Variants in SORBS2 observed in about 807,000 individuals in gnomAD.
SORBS2 encodes the protein sorbin and SH3 domain-containing protein 2.
SORBS2 carries 46 observed loss-of-function variants against 97.7 expected under a neutral mutation model. That is an observed-to-expected ratio of 0.47 (90% CI 0.37 to 0.60). The LOEUF is 0.60. Ranked by LOEUF, SORBS2 falls within the 20% of genes least tolerant of loss-of-function variation. The pLI is 0.00. For missense variants in SORBS2, 1,316 were observed against 1,282.3 expected, an observed-to-expected ratio of 1.03 and a Z score of -0.40; for synonymous variants, 476 against 473.4, an observed-to-expected ratio of 1.01 and a Z score of -0.07.
intron 7 of SORBS2, among the ~76,000 whole-genome samples, chr4:185,621,114 T>G (rs1379218768): frequency 6.6e-6 from 1 of 152,156 alleles, no homozygotes; most frequent in Non-Finnish European, 1.5e-5. Context: ...CTTAAATATA[T>G]CTAGTTATCC....
exon 5 of SORBS2, chr4:185,662,158 A>T (rs762790043): frequency 6.2e-7 from 1 of 1,614,108 alleles, no homozygotes; most frequent in Admixed American, 1.7e-5. Flanking sequence ...GCTGGGAGAG[A>T]ATATGCCGAG....
chr4:185,817,556 T>C (rs1234313044), intron 1 of SORBS2, among the ~76,000 whole-genome samples: 1 of 152,230 alleles, frequency 6.6e-6, no homozygotes, highest in African/African-American at 2.4e-5. Context: ...CATTGTGTCC[T>C]GTGGCAGCAG....
chr4:185,607,129 G>GT lies in SORBS2; in HGVS notation c.2796+4650dup, dbSNP rs1425799765. 6 of 1,093,454 alleles carry GT rather than the reference G, an allele frequency of 5.5e-6. No homozygotes were observed. Among genetic ancestry groups the GT allele is most frequent in the Non-Finnish European group, 5.6e-6 (5 of 892,410 alleles). The allele number at this position is 1,093,454 out of a possible 1,614,324, so 67.7% of individuals were successfully genotyped here. ...TTCCAGGATGGCGTCCTCTAGGATG[G>GT]TTGGTTTGGCTTGGTCAGCTGACAA... On this transcript the variant is annotated intron_variant, in intron 12 of 14. Coordinates refer to ENST00000418609, the Ensembl canonical transcript of SORBS2. This position sits in a 1 kb window ranked among gnomAD's most constrained non-coding sequence, Gnocchi z 5.2.
chr4:185,686,605 T>A (rs1385968170), intron 2 of SORBS2, among the ~76,000 whole-genome samples: 1 of 152,210 alleles, frequency 6.6e-6, no homozygotes, highest in Admixed American at 6.5e-5. Flanking sequence ...ATGGAGGTGA[T>A]GTTATTGCTT....
intron 2 of SORBS2, among the ~76,000 whole-genome samples, chr4:185,721,052 G>A (rs2047499): frequency 0.81 from 119,887 of 148,326 alleles, 49,140 homozygotes; most frequent in Non-Finnish European, 0.89. Flanking sequence ...ACAACTGTGA[G>A]CCACTTCCTA....
chr4:185,808,648 T>G (rs768529550), intron 1 of SORBS2, among the ~76,000 whole-genome samples: 1 of 152,210 alleles, frequency 6.6e-6, no homozygotes, highest in Non-Finnish European at 1.5e-5. Flanking sequence ...ACGTAACTAG[T>G]GATTTCCAGT....
chr4:185,676,348 A>G (rs1177072426), intron 4 of SORBS2, among the ~76,000 whole-genome samples: 1 of 152,246 alleles, frequency 6.6e-6, no homozygotes, highest in Non-Finnish European at 1.5e-5. Context: ...AGTCAAAAAG[A>G]GAAGCACATT....
rs1168750873 is a variant in SORBS2, at chr4:185,623,946, G to A, written c.1183C>T (p.Arg395Cys). 1 of 1,614,204 alleles carries A rather than the reference G, an allele frequency of 6.2e-7. No individual in the cohort carries two copies. The highest frequency in any genetic ancestry group is 8.5e-7 in the Non-Finnish European group (1 of 1,180,040). ...TCCGTGGAGCACTGGCTCCAGGCGC[G>A]CAGCAGGTCCTTGTGCTGCTGCTCG... is the stretch of plus-strand genomic sequence containing the variant. Residue 395 changes from arginine (R) to cysteine (C), a missense_variant, in exon 7 of 15, where the codon CGC becomes TGC. By Grantham distance (180) the Arg-to-Cys change is radical. Coordinates refer to ENST00000418609, the Ensembl canonical transcript of SORBS2. This position sits in a 1 kb window ranked among gnomAD's most constrained non-coding sequence, Gnocchi z 6.4.
intron 2 of SORBS2, among the ~76,000 whole-genome samples, chr4:185,736,009 C>T (rs1311463814): frequency 1.3e-5 from 2 of 152,196 alleles, no homozygotes; most frequent in African/African-American, 2.4e-5. Context: ...TGATATTTCC[C>T]ATTTGTGGAT....
chr4:185,774,062 T>G (rs1018555077), intron 2 of SORBS2: 1 of 152,150 alleles, frequency 6.6e-6, no homozygotes, highest in Non-Finnish European at 1.5e-5. Context: ...TCCTTTGATA[T>G]GTGCTCTGTG....
At chr4:185,820,980 CA>C (rs2099196452) in intron 1 of SORBS2, among the ~76,000 whole-genome samples, 1 of 152,180 alleles carries the variant, frequency 6.6e-6, no homozygotes. Flanking sequence ...TCCCTTGATT[CA>C]ATCCGACAAA....
rs746401461 is a variant in SORBS2 at position 185,607,257 on chromosome 4, C to T, written c.2796+4523G>A. On this transcript the variant is annotated intron_variant, in intron 12 of 14. Coordinates refer to ENST00000418609, the Ensembl canonical transcript of SORBS2. This position sits in a 1 kb window ranked among gnomAD's most constrained non-coding sequence, Gnocchi z 5.2. Reference sequence around the variant, plus strand: ...CTGGTAGACATGAGGCTGTCAGGGACAACCAGCCCTGGCCAGTTCCCTGGA... The same window carrying T: ...CTGGTAGACATGAGGCTGTCAGGGATAACCAGCCCTGGCCAGTTCCCTGGA... 8.1e-6 allele frequency: 10 copies of T among 1,237,656 alleles called. No homozygotes were observed. The highest frequency in any genetic ancestry group is 3.1e-6 in the Non-Finnish European group (3 of 967,038). 76.7% of individuals were successfully genotyped at this position (1,237,656 alleles called of 1,614,324 possible). A position where few individuals can be genotyped will look rare whatever the true frequency, so the allele number is the denominator to read the frequency against.
At position 185,825,818 on chromosome 4, in the gene SORBS2, A is replaced by T. The variant is rs1260897807; in HGVS notation, c.-337-50452T>A. The stretch of plus-strand genomic sequence containing the variant: ...TTAATGAAATAATTTTTGTTTCCAG[A>T]TGTTCTTTACATTGGGCCTAAGTCC... On this transcript the variant is annotated intron_variant, in intron 1 of 20. Transcript: ENST00000284776. 5.9e-5 allele frequency among the ~76,000 whole-genome samples: 9 copies of T among 152,130 alleles called. No individual in the cohort carries two copies. The South Asian group carries it at 1.2e-3, about 21-fold the overall frequency.
In SORBS2 at chr4:185,639,116, T is replaced by A. The variant is rs909982113; in HGVS notation, c.396+7552A>T. On this transcript the variant is annotated intron_variant, in intron 4 of 14. Coordinates refer to ENST00000418609, the Ensembl canonical transcript of SORBS2. ...CCGCGAGGACACCCTGGCAGCGCGC[T>A]GTGCCTGCGTTAGGCCGGGAGGGGA... The A allele has an allele frequency of 7.7e-6, 10 of 1,300,276 alleles. No homozygotes were observed. In the Admixed American group the frequency reaches 1.0e-4, roughly 13 times the overall value. 80.5% of individuals were successfully genotyped at this position (1,300,276 alleles called of 1,614,324 possible).
rs1057394170 is a variant in SORBS2 at position 185,589,580 on chromosome 4, A to G, written c.2953+99T>C. 9 of 744,588 alleles carry G rather than the reference A, an allele frequency of 1.2e-5. No homozygotes were observed. The Admixed American group carries it at 1.6e-4, about 14-fold the overall frequency. 46.1% of individuals were successfully genotyped at this position (744,588 alleles called of 1,614,324 possible). A position where few individuals can be genotyped will look rare whatever the true frequency, so the allele number is the denominator to read the frequency against. ...GTCTGAAAGATCAAAGGCATTACGAATTCAAAGGAAGCTCGGCCATCACAG... is the reference window on the plus strand; with the variant it reads ...GTCTGAAAGATCAAAGGCATTACGAGTTCAAAGGAAGCTCGGCCATCACAG... On this transcript the variant is annotated intron_variant, in intron 14 of 14. Coordinates refer to ENST00000418609, the Ensembl canonical transcript of SORBS2.
chr4:185,634,053 A>G (rs1363036292), intron 4 of SORBS2, among the ~76,000 whole-genome samples: 1 of 152,172 alleles, frequency 6.6e-6, no homozygotes, highest in African/African-American at 2.4e-5. Context: ...CTGCCTGGCT[A>G]TAAAATGTAA....
Position 185,623,573 on chromosome 4 carries a change from C to T in SORBS2, c.1556G>A (p.Gly519Glu), listed in dbSNP as rs1272623007. ...GTCACTTTCACTGCAGAAGGATGAC[C>T]CCTCTAGGTGAATGTAGTCACTGTG... Residue 519 changes from glycine to glutamate, a missense_variant, in exon 7 of 15, where the codon GGG becomes GAG. By Grantham distance (98) the Gly-to-Glu change is moderately conservative. Coordinates refer to ENST00000418609, the Ensembl canonical transcript of SORBS2. The surrounding 1 kb of genome is among the most constrained non-coding windows in gnomAD (Gnocchi z 6.4). The T allele has an allele frequency of 1.2e-6, 2 of 1,613,826 alleles. No individual in the cohort carries two copies. The highest frequency in any genetic ancestry group is 8.5e-7 in the Non-Finnish European group (1 of 1,179,998).
At position 185,649,464 on chromosome 4, in the gene SORBS2, T is replaced by C; in HGVS notation, c.281+3A>G. On this transcript the variant is annotated splice_donor_region_variant and intron_variant, in intron 3 of 14. Coordinates refer to ENST00000418609, the Ensembl canonical transcript of SORBS2. ...TAGGCCACCCTGGGGGGAAATGCCT[T>C]ACTTTTCTGTTGAAGACCGATCTCT... 1.9e-6 allele frequency: 3 copies of C among 1,569,252 alleles called. No homozygotes were observed. The highest frequency in any genetic ancestry group is 1.8e-5 in the Admixed American group (1 of 54,098).
intron 2 of SORBS2, among the ~76,000 whole-genome samples, chr4:185,753,379 A>T (rs1053218771): frequency 6.6e-6 from 1 of 152,242 alleles, no homozygotes; most frequent in African/African-American, 2.4e-5. Flanking sequence ...GATTCAATGC[A>T]AAATACTTTG....
Sources: gnomAD v4.1 joint callset for allele counts (sites outside exome capture counted in the v4.1 genomes callset) on GRCh38, gnomAD v4.1.1 for gene constraint, Gnocchi (gnomAD v3.1) non-coding constraint, MANE v1.5 for transcripts, NCBI Gene and HGNC (gene_info 2026-07-23, HGNC 2026-07-21) for gene names.